Variants in SPOCK1 observed in about 807,000 individuals in gnomAD.
SPOCK1 encodes the protein SPARC (osteonectin), cwcv and kazal like domains proteoglycan 1.
Under a neutral mutation model 55.3 loss-of-function variants are expected in SPOCK1, and 23 were observed. That is an observed-to-expected ratio of 0.42 (90% confidence interval 0.30 to 0.59). SPOCK1 has a LOEUF of 0.59. Among genes scored for constraint, SPOCK1 ranks in the 20% least tolerant of loss-of-function variants. The pLI is 0.22. For synonymous variants in SPOCK1, 226 were observed against 221.0 expected, an observed-to-expected ratio of 1.02 and a Z score of -0.20; for missense variants, 499 against 552.5, an observed-to-expected ratio of 0.90 and a Z score of 0.97.
intron 6 of SPOCK1, among the ~76,000 whole-genome samples, chr5:137,050,931 T>C (rs561735981): frequency 6.6e-6 from 1 of 152,366 alleles, no homozygotes; most frequent in East Asian, 1.9e-4. Context: ...CAAGGAGGCT[T>C]GGAGAGATGT....
At chr5:137,362,622 C>T (rs1750976113) in intron 2 of SPOCK1, among the ~76,000 whole-genome samples, 1 of 152,150 alleles carries the variant, frequency 6.6e-6, no homozygotes, top group Non-Finnish European at 1.5e-5. Context: ...GCCACCGCGC[C>T]CGGCCAGCAA....
chr5:137,097,712 C>T (rs1408553743), intron 5 of SPOCK1, among the ~76,000 whole-genome samples: 1 of 152,156 alleles, frequency 6.6e-6, no homozygotes, highest in Non-Finnish European at 1.5e-5. Flanking sequence ...AAAAACTAAC[C>T]CGAACCTGCT....
intron 3 of SPOCK1, among the ~76,000 whole-genome samples, chr5:137,265,278 G>A (rs1756827493): frequency 1.3e-5 from 2 of 152,194 alleles, no homozygotes; most frequent in South Asian, 4.1e-4. Context: ...CTTCCCTCGG[G>A]AGAGTGTATT....
intron 3 of SPOCK1, among the ~76,000 whole-genome samples, chr5:137,176,580 A>G (rs1754858082): frequency 6.6e-6 from 1 of 152,068 alleles, no homozygotes; most frequent in Admixed American, 6.6e-5. Flanking sequence ...CTAGAAAGGT[A>G]CATTTTATTC....
chr5:137,387,497 AG>A (rs1173571457), intron 2 of SPOCK1, among the ~76,000 whole-genome samples: 1 of 152,266 alleles, frequency 6.6e-6, no homozygotes, highest in Non-Finnish European at 1.5e-5. Flanking sequence ...AAAGACATGG[AG>A]GAACTTCAAA....
At chr5:137,390,023 G>T (rs921983537) in intron 2 of SPOCK1, among the ~76,000 whole-genome samples, 1 of 152,110 alleles carries the variant, frequency 6.6e-6, no homozygotes, top group Non-Finnish European at 1.5e-5. Flanking sequence ...CTCCACCCAG[G>T]TTCAAGCAGA....
intron 2 of SPOCK1, among the ~76,000 whole-genome samples, chr5:137,350,202 G>A (rs1323625610): frequency 6.6e-6 from 1 of 152,172 alleles, no homozygotes; most frequent in South Asian, 2.1e-4. Flanking sequence ...CAGTGCTATG[G>A]ACAGAAGGAG....
At chr5:137,247,327 T>C (rs1756415534) in intron 3 of SPOCK1, among the ~76,000 whole-genome samples, 1 of 151,702 alleles carries the variant, frequency 6.6e-6, no homozygotes, top group Non-Finnish European at 1.5e-5. Flanking sequence ...TCAGTTCTGG[T>C]GCAGGTCAGT....
chr5:137,101,265 C>A (rs981868243), intron 5 of SPOCK1, among the ~76,000 whole-genome samples: 9 of 152,150 alleles, frequency 5.9e-5, no homozygotes, highest in African/African-American at 1.7e-4. Flanking sequence ...TGGCCAGGGA[C>A]CTTTCTGTCT....
At chr5:137,024,028 ATCT>A (rs1751622337) in intron 6 of SPOCK1, among the ~76,000 whole-genome samples, 3 of 149,310 alleles carry the variant, frequency 2.0e-5, no homozygotes, top group African/African-American at 7.4e-5. Flanking sequence ...TCTGCAGAAG[ATCT>A]TCTTAGGCAT....
At chr5:137,440,850 T>C (rs559084670) in intron 2 of SPOCK1, among the ~76,000 whole-genome samples, 5 of 152,366 alleles carry the variant, frequency 3.3e-5, no homozygotes, top group South Asian at 2.1e-4. Context: ...GAAAGATGAA[T>C]GTCTTATGAA....
At chr5:137,243,412 C>G (rs186875382) in intron 3 of SPOCK1, among the ~76,000 whole-genome samples, 4 of 152,060 alleles carry the variant, frequency 2.6e-5, no homozygotes, top group African/African-American at 7.2e-5. Context: ...TTCCTAAGAC[C>G]AAAGACATCA....
chr5:137,475,844 G>C lies in SPOCK1; in HGVS notation c.186+22529C>G, dbSNP rs114799737. Among the ~76,000 whole-genome samples, 1,101 of 152,090 alleles carry C rather than the reference G, an allele frequency of 7.2e-3. 10 individuals are homozygous for C. The highest frequency in any genetic ancestry group is 0.025 in the African/African-American group (1,042 of 41,472). On this transcript the variant is annotated intron_variant, in intron 2 of 10. Coordinates refer to ENST00000394945, the MANE Select transcript of SPOCK1 (RefSeq NM_004598.4). Reference sequence around the variant, plus strand: ...CCTGCCTTAACATCCCAAAGTGCTGGGATTATAGTATGAGCCACCAAACTC... The same window carrying C: ...CCTGCCTTAACATCCCAAAGTGCTGCGATTATAGTATGAGCCACCAAACTC...
At chr5:137,100,582 G>GGGTCACCA (rs1278926401) in intron 5 of SPOCK1, among the ~76,000 whole-genome samples, 1 of 152,150 alleles carries the variant, frequency 6.6e-6, no homozygotes, top group Non-Finnish European at 1.5e-5. Flanking sequence ...AAACTGTTTG[G>GGGTCACCA]GGTCACCAGC....
chr5:137,030,768 G>A (rs1490656448), intron 6 of SPOCK1, among the ~76,000 whole-genome samples: 2 of 152,090 alleles, frequency 1.3e-5, no homozygotes, highest in African/African-American at 4.8e-5. Context: ...TCAAAGATGT[G>A]GACAAACGCC....
At chr5:137,054,754 T>C (rs377334842) in intron 6 of SPOCK1, among the ~76,000 whole-genome samples, 24 of 152,306 alleles carry the variant, frequency 1.6e-4, no homozygotes, top group African/African-American at 3.8e-4. Context: ...TTAATCTAGA[T>C]ATTTATTAAG....
chr5:137,109,488 A>G (rs1580754934), intron 5 of SPOCK1, among the ~76,000 whole-genome samples: 1 of 152,132 alleles, frequency 6.6e-6, no homozygotes, highest in East Asian at 1.9e-4. Context: ...ACTATCTACT[A>G]CACCCCATGC....
chr5:137,077,227 G>A (rs896994937), intron 5 of SPOCK1, among the ~76,000 whole-genome samples: 23 of 152,138 alleles, frequency 1.5e-4, no homozygotes, highest in Non-Finnish European at 2.2e-4. Context: ...CCCGGCCCCC[G>A]CAGATTTAAT....
chr5:137,021,678 G>A (rs939702591), intron 6 of SPOCK1, among the ~76,000 whole-genome samples: 7 of 152,094 alleles, frequency 4.6e-5, no homozygotes, highest in Admixed American at 2.0e-4. Flanking sequence ...ATCTTTCTGC[G>A]AACTAGAAAA....
Sources: allele counts gnomAD v4.1 joint callset (sites outside exome capture counted in the v4.1 genomes callset), GRCh38; gene constraint gnomAD v4.1.1; transcripts MANE v1.5; gene names NCBI Gene and HGNC (gene_info 2026-07-23, HGNC 2026-07-21).